Variants in PTPRD observed in about 807,000 individuals in gnomAD.
PTPRD encodes protein tyrosine phosphatase receptor type D.
Under a neutral mutation model 214.5 loss-of-function variants are expected in PTPRD, and 34 were observed. The ratio of observed to expected loss-of-function variants is 0.16; its 90% CI spans 0.12 to 0.21. The LOEUF is 0.21. PTPRD is among the 10% of genes least tolerant of loss of function. The pLI is 1.00. For missense variants in PTPRD, 2,545 were observed against 2,398.7 expected, an observed-to-expected ratio of 1.06 and a Z score of -1.27; for synonymous variants, 1,128 against 845.7, an observed-to-expected ratio of 1.33 and a Z score of -5.79.
intron 3 of PTPRD, among the ~76,000 whole-genome samples, chr9:10,274,540 G>C (rs2094577433): frequency 6.6e-6 from 1 of 152,092 alleles, no homozygotes; most frequent in East Asian, 1.9e-4. Context: ...GTATGGCTTT[G>C]GCCAAAATGC....
chr9:9,633,281 G>A (rs1218187343), intron 7 of PTPRD, among the ~76,000 whole-genome samples: 2 of 151,686 alleles, frequency 1.3e-5, no homozygotes, highest in South Asian at 4.2e-4. Context: ...CAGCCTGGGA[G>A]AGAGAGTGAG....
intron 4 of PTPRD, among the ~76,000 whole-genome samples, chr9:10,030,263 G>T (rs1484885215): frequency 6.6e-6 from 1 of 152,042 alleles, no homozygotes; most frequent in East Asian, 1.9e-4. Flanking sequence ...AGGTGAGAAA[G>T]GAGTCAAATA....
chr9:8,734,530 T>A (rs1450397642), intron 11 of PTPRD, among the ~76,000 whole-genome samples: 1 of 152,220 alleles, frequency 6.6e-6, no homozygotes. Flanking sequence ...TTGGCATCAA[T>A]AAGTCAAAAC....
At chr9:8,501,508 G>A (rs1166819115) in intron 23 of PTPRD, among the ~76,000 whole-genome samples, 5 of 152,184 alleles carry the variant, frequency 3.3e-5, no homozygotes, top group Non-Finnish European at 7.3e-5. Context: ...ATTCTAGAAT[G>A]AGGATGGTTT....
At chr9:9,711,753 T>C (rs1051647188) in intron 7 of PTPRD, among the ~76,000 whole-genome samples, 3 of 152,170 alleles carry the variant, frequency 2.0e-5, no homozygotes, top group African/African-American at 7.2e-5. Context: ...GTAATATATA[T>C]AGCATGACCT....
At chr9:10,357,229 G>A (rs1030829768) in intron 2 of PTPRD, among the ~76,000 whole-genome samples, 2 of 152,090 alleles carry the variant, frequency 1.3e-5, no homozygotes, top group Admixed American at 6.5e-5. Flanking sequence ...AGGTATTTTT[G>A]AGAACACTGC....
Position 8,557,689 on chromosome 9 carries a change from G to A in PTPRD, c.353-28910C>T, listed in dbSNP as rs545513828. On this transcript the variant is annotated intron_variant, in intron 14 of 45. Transcript: ENST00000381196. ...ACATGGGAAGCGGAGGTTGCAGTGA[G>A]CCGAGATCACGCTACTGCATTCCAG... 2.8e-4 allele frequency among the ~76,000 whole-genome samples: 41 copies of A among 144,982 alleles called. 1 individual carries two copies. Among genetic ancestry groups the A allele is most frequent in the Admixed American group, 2.5e-3 (36 of 14,232 alleles).
At chr9:8,487,712 A>G (rs562744036) in intron 27 of PTPRD, among the ~76,000 whole-genome samples, 9 of 152,306 alleles carry the variant, frequency 5.9e-5, no homozygotes, top group African/African-American at 2.2e-4. Context: ...CGGGAGGCTG[A>G]GGCAGGAGCA....
At chr9:9,963,610 G>T (rs1007607630) in intron 4 of PTPRD, among the ~76,000 whole-genome samples, 3 of 152,110 alleles carry the variant, frequency 2.0e-5, no homozygotes, top group Admixed American at 6.5e-5. Context: ...CATAAAATAT[G>T]CAGTCAAACA....
intron 4 of PTPRD, among the ~76,000 whole-genome samples, chr9:9,991,363 T>TC (rs2095912328): frequency 6.6e-6 from 1 of 151,634 alleles, no homozygotes; most frequent in South Asian, 2.1e-4. Context: ...AAATATACTT[T>TC]TTTTTTTCTT....
At chr9:9,996,501 T>C (rs1304170116) in intron 4 of PTPRD, among the ~76,000 whole-genome samples, 2 of 152,102 alleles carry the variant, frequency 1.3e-5, no homozygotes, top group Non-Finnish European at 2.9e-5. Context: ...CTGGGCAAGG[T>C]GGTGTGAATG....
chr9:9,143,627 T>C (rs1397943831), intron 10 of PTPRD, among the ~76,000 whole-genome samples: 1 of 152,226 alleles, frequency 6.6e-6, no homozygotes, highest in African/African-American at 2.4e-5. Context: ...TATGGGTCTC[T>C]TCAAATATCT....
At chr9:9,238,897 T>G (rs1427114963) in intron 9 of PTPRD, among the ~76,000 whole-genome samples, 3 of 152,146 alleles carry the variant, frequency 2.0e-5, no homozygotes, top group African/African-American at 7.2e-5. Context: ...CTTCTTAATT[T>G]TATCCTAGGA....
intron 11 of PTPRD, among the ~76,000 whole-genome samples, chr9:8,865,767 C>T (rs1319779593): frequency 6.6e-6 from 1 of 152,062 alleles, no homozygotes; most frequent in African/African-American, 2.4e-5. Context: ...AATATTGCCT[C>T]TTATTGAGAC....
chr9:10,252,127 A>C (rs2092828199), intron 3 of PTPRD, among the ~76,000 whole-genome samples: 1 of 152,144 alleles, frequency 6.6e-6, no homozygotes, highest in South Asian at 2.1e-4. Flanking sequence ...GTCAATTAAG[A>C]ATAAAAATAA....
chr9:9,220,310 C>CTTTTTTAT (rs2099955018), intron 9 of PTPRD, among the ~76,000 whole-genome samples: 1 of 117,792 alleles, frequency 8.5e-6, no homozygotes, highest in Admixed American at 8.1e-5. Context: ...CTTGCTTTTG[C>CTTTTTTAT]TTTTTTTTTA....
chr9:9,333,114 A>T (rs1595919158), intron 9 of PTPRD, among the ~76,000 whole-genome samples: 1 of 151,996 alleles, frequency 6.6e-6, no homozygotes, highest in East Asian at 1.9e-4. Context: ...TTCTGGCTGC[A>T]GAGATACTTC....
chr9:10,552,615 T>G (rs1177394032), intron 2 of PTPRD, among the ~76,000 whole-genome samples: 2 of 152,156 alleles, frequency 1.3e-5, no homozygotes, highest in Non-Finnish European at 2.9e-5. Flanking sequence ...ATCAACCAAT[T>G]GCTCTTTCCT....
chr9:10,403,835 G>A (rs917445318), intron 2 of PTPRD, among the ~76,000 whole-genome samples: 1 of 151,676 alleles, frequency 6.6e-6, no homozygotes, highest in African/African-American at 2.4e-5. Flanking sequence ...GGTTCTCAGT[G>A]ATTAGGACAA....
Sources: gnomAD v4.1 joint callset for allele counts (sites outside exome capture counted in the v4.1 genomes callset) on GRCh38, gnomAD v4.1.1 for gene constraint, MANE v1.5 for transcripts, NCBI Gene and HGNC (gene_info 2026-07-23, HGNC 2026-07-21) for gene names.